Variants in NIBAN3 observed in about 807,000 individuals in gnomAD.
NIBAN3 encodes the protein protein Niban 3.
Under a neutral mutation model 76.4 loss-of-function variants are expected in NIBAN3, and 66 were observed. That is an observed-to-expected ratio of 0.86 (90% CI 0.71 to 1.06). NIBAN3 has a LOEUF of 1.06. Ranked by LOEUF, NIBAN3 falls within the 50% of genes least tolerant of loss-of-function variation. The probability of loss-of-function intolerance (pLI) is 0.00; values close to 1 mark genes in which losing one functional copy is unlikely to be tolerated. For synonymous variants in NIBAN3, 360 were observed against 355.2 expected (o/e 1.01, Z -0.15); for missense variants, 808 against 810.7 (o/e 1.00, Z 0.04).
Position 17,543,453 on chromosome 19 carries a change from G to T in NIBAN3, c.1446+20G>T, listed in dbSNP as rs772051831. 1.2e-6 allele frequency: 2 copies of T among 1,608,608 alleles called. No individual in the cohort carries two copies. Among genetic ancestry groups the T allele is most frequent in the Non-Finnish European group, 1.7e-6 (2 of 1,175,136 alleles). On this transcript the variant is annotated intron_variant, in intron 11 of 14. Transcript: ENST00000599164. ...CTGAAGGTGTGTTCTGTGGGTACGG[G>T]GTGGCATGGGGTGGCAGTGGGCCTG...
Position 17,550,843 on chromosome 19 carries a change from CTTTTTTTTTTT to C in NIBAN3, c.1751-930_1751-920del, listed in dbSNP as rs10690901. Among the ~76,000 whole-genome samples the C allele has an allele frequency of 4.4e-3, 405 of 91,570 alleles. 4 individuals are homozygous for C. The highest frequency in any genetic ancestry group is 0.015 in the African/African-American group (381 of 24,672). 60.1% of individuals were successfully genotyped at this position (91,570 alleles called of 152,430 possible). On this transcript the variant is annotated intron_variant, in intron 14 of 14. Coordinates refer to ENST00000599164, the MANE Select transcript of NIBAN3 (RefSeq NM_001321827.2). The stretch of plus-strand genomic sequence containing the variant: ...GCCACAGGGATTAATCTTGTACATA[CTTTTTTTTTTT>C]TTTTTTTTTTTTCAAATGCAGGTTC...
At chr19:17,527,654 C>A (rs185628842) in intron 1 of NIBAN3, among the ~76,000 whole-genome samples, 50 of 152,198 alleles carry the variant, frequency 3.3e-4, no homozygotes, top group Non-Finnish European at 5.4e-4. Flanking sequence ...TCAAGCAATT[C>A]TCCCGCCTTA....
chr19:17,549,426 G>A lies in NIBAN3; in HGVS notation c.1667-18G>A, dbSNP rs777986180. The A allele has an allele frequency of 6.3e-7, 1 of 1,593,678 alleles. No homozygotes were observed. Among genetic ancestry groups the A allele is most frequent in the African/African-American group, 1.3e-5 (1 of 74,496 alleles). On this transcript the variant is annotated intron_variant, in intron 13 of 14. Coordinates refer to ENST00000599164, the MANE Select transcript of NIBAN3 (RefSeq NM_001321827.2). ...CCTGGGCTTCCCCAGGTGTGTCCAA[G>A]AGTTCATCTCATTTCAGAATTGAAA...
chr19:17,542,300 G>A lies in NIBAN3; in HGVS notation c.1329+6G>A. On this transcript the variant is annotated splice_donor_region_variant and intron_variant, in intron 10 of 14. Transcript: ENST00000599164. The surrounding 1 kb of genome is among the most constrained non-coding windows in gnomAD (Gnocchi z 4.8). Reference sequence around the variant, plus strand: ...CCCAAGATCTTGCACAGCAGGTGAGGGTGAGAGGAGGCTGGGATGAGGCCA... The same window carrying A: ...CCCAAGATCTTGCACAGCAGGTGAGAGTGAGAGGAGGCTGGGATGAGGCCA... 1 of 1,598,398 alleles carries A rather than the reference G, an allele frequency of 6.3e-7. No individual in the cohort carries two copies.
At chr19:17,550,881 T>A (rs1430625146) in intron 14 of NIBAN3, among the ~76,000 whole-genome samples, 1 of 137,322 alleles carries the variant, frequency 7.3e-6, no homozygotes, top group Non-Finnish European at 1.5e-5. Context: ...TGCAGGTTCC[T>A]GTGGGCAAAT....
chr19:17,536,167 A>G (rs971285543), intron 4 of NIBAN3, among the ~76,000 whole-genome samples: 6 of 151,984 alleles, frequency 3.9e-5, no homozygotes, highest in Non-Finnish European at 8.8e-5. Context: ...CTTCTGGACT[A>G]TTGATTTCCT....
chr19:17,527,879 C>T (rs1240513021), intron 1 of NIBAN3, among the ~76,000 whole-genome samples: 5 of 151,552 alleles, frequency 3.3e-5, no homozygotes, highest in African/African-American at 4.8e-5. Flanking sequence ...GTTTTCGTAG[C>T]GACAGGGTCT....
upstream of NIBAN3, among the ~76,000 whole-genome samples, chr19:17,525,482 G>A (rs1400011533): frequency 1.3e-5 from 2 of 152,202 alleles, no homozygotes; most frequent in African/African-American, 4.8e-5. Flanking sequence ...CAAATGCTGG[G>A]ACATAAAGGT....
rs1404708952 is a variant in NIBAN3 at position 17,553,043 on chromosome 19, C to G, written c.*1145C>G. 3.3e-6 allele frequency: 1 copy of G among 299,154 alleles called. No individual in the cohort carries two copies. The highest frequency in any genetic ancestry group is 6.2e-6 in the Non-Finnish European group (1 of 161,096). 18.5% of individuals were successfully genotyped at this position (299,154 alleles called of 1,614,324 possible). On this transcript the variant is annotated 3_prime_UTR_variant, in exon 15 of 15. Coordinates refer to ENST00000599164, the MANE Select transcript of NIBAN3 (RefSeq NM_001321827.2). ...TGAGTGGTGATTGCACCACTGCACTCCAGCCTGGGTGATGGGAGTGAGACC... is the reference window on the plus strand; with the variant it reads ...TGAGTGGTGATTGCACCACTGCACTGCAGCCTGGGTGATGGGAGTGAGACC...
At chr19:17,543,460 T>C (rs776296067) in intron 11 of NIBAN3, 27 bp downstream of exon 11, 1 of 1,608,420 alleles carries the variant, frequency 6.2e-7, no homozygotes, top group Non-Finnish European at 8.5e-7. Flanking sequence ...CGGGGTGGCA[T>C]GGGGTGGCAG....
At chr19:17,551,135 C>T (rs906400325) in intron 14 of NIBAN3, among the ~76,000 whole-genome samples, 2 of 151,678 alleles carry the variant, frequency 1.3e-5, no homozygotes, top group Non-Finnish European at 2.9e-5. Flanking sequence ...GTCGCTCTGT[C>T]ACCAGGCTGG....
At position 17,537,375 on chromosome 19, in the gene NIBAN3, G is replaced by A; in HGVS notation, c.428-1G>A. The A allele has an allele frequency of 1.9e-6, 3 of 1,612,826 alleles. No homozygotes were observed. The highest frequency in any genetic ancestry group is 2.5e-6 in the Non-Finnish European group (3 of 1,179,350). The stretch of plus-strand genomic sequence containing the variant: ...AGATGCGACCTCCTGTTTGTTTTCA[G>A]GAGACCATACTCAGGAAGAGCCTGA... On this transcript the variant is annotated splice_acceptor_variant, in intron 4 of 14. Transcript: ENST00000599164. LOFTEE classifies it high-confidence loss of function.
In NIBAN3 at chr19:17,540,409, C is replaced by A; in HGVS notation, c.997C>A (p.Leu333Ile). The A allele has an allele frequency of 6.6e-7, 1 of 1,510,840 alleles. No individual in the cohort carries two copies. The highest frequency in any genetic ancestry group is 1.3e-5 in the South Asian group (1 of 78,206). The allele number at this position is 1,510,840 out of a possible 1,614,324, so 93.6% of individuals were successfully genotyped here. Residue 333 changes from leucine (L) to isoleucine (I), a missense_variant, in exon 9 of 15, where the codon CTC becomes ATC. Coordinates refer to ENST00000599164, the MANE Select transcript of NIBAN3 (RefSeq NM_001321827.2). ...ACTCCCAGCGGATATCAGGGGACCGCTCGAGTCGTGCCTGCGCCGGGAGGT... is the reference window on the plus strand; with the variant it reads ...ACTCCCAGCGGATATCAGGGGACCGATCGAGTCGTGCCTGCGCCGGGAGGT... Reference protein sequence around the residue: ...GRLRTDIRGPLESCLRREVDP... With the variant: ...GRLRTDIRGPIESCLRREVDP...
At position 17,539,735 on chromosome 19, in the gene NIBAN3, C is replaced by CA; in HGVS notation, c.950dup (p.Arg318AlafsTer93). 1 of 1,541,122 alleles carries CA rather than the reference C, an allele frequency of 6.5e-7. No homozygotes were observed. The highest frequency in any genetic ancestry group is 8.7e-7 in the Non-Finnish European group (1 of 1,145,124). On this transcript the variant is annotated frameshift_variant, in exon 8 of 15. Coordinates refer to ENST00000599164, the MANE Select transcript of NIBAN3 (RefSeq NM_001321827.2). LOFTEE classifies it high-confidence loss of function. ...CCCGGACGTGGACCAGCTGCTGCGG[C>CA]AGCGGGCGCGTGTGGCGGGGCGGCT...
chr19:17,533,959 A>T (rs554974229), intron 4 of NIBAN3, among the ~76,000 whole-genome samples: 1 of 152,282 alleles, frequency 6.6e-6, no homozygotes, highest in South Asian at 2.1e-4. Context: ...CAAACAAACA[A>T]ACAAACAAAC....
Position 17,539,462 on chromosome 19 carries a change from C to A in NIBAN3, c.816+11C>A, listed in dbSNP as rs1456133362. The A allele has an allele frequency of 1.4e-6, 2 of 1,463,172 alleles. No homozygotes were observed. The highest frequency in any genetic ancestry group is 2.6e-5 in the Admixed American group (1 of 38,168). 90.6% of individuals were successfully genotyped at this position (1,463,172 alleles called of 1,614,324 possible). A position where few individuals can be genotyped will look rare whatever the true frequency, so the allele number is the denominator to read the frequency against. ...TGGGCCTGGACCGAGGTATGCACGG[C>A]GTCCGGATCCGGGATAGGGGGCGGG... On this transcript the variant is annotated intron_variant, in intron 7 of 14. Transcript: ENST00000599164.
rs1388496737 is a variant in NIBAN3, at chr19:17,539,459, C to T, written c.816+8C>T. 2.7e-6 allele frequency: 4 copies of T among 1,465,704 alleles called. No individual in the cohort carries two copies. Among genetic ancestry groups the T allele is most frequent in the East Asian group, 2.5e-5 (1 of 39,598 alleles). 90.8% of individuals were successfully genotyped at this position (1,465,704 alleles called of 1,614,324 possible). On this transcript the variant is annotated splice_region_variant and intron_variant, in intron 7 of 14. Transcript: ENST00000599164. ...GCCTGGGCCTGGACCGAGGTATGCA[C>T]GGCGTCCGGATCCGGGATAGGGGGC...
At chr19:17,527,900 C>G (rs942452854) in intron 1 of NIBAN3, among the ~76,000 whole-genome samples, 1 of 151,660 alleles carries the variant, frequency 6.6e-6, no homozygotes, top group African/African-American at 2.4e-5. Context: ...CACTATGTTG[C>G]CCAGGCTGGT....
intron 10 of NIBAN3, 50 bp from the exon 11 acceptor site, chr19:17,543,267 G>A (rs775423040): frequency 3.0e-6 from 4 of 1,323,742 alleles, no homozygotes; most frequent in Non-Finnish European, 3.1e-6. Context: ...AGTGGGGCCC[G>A]GGAGGCTGGA....
Sources: gnomAD v4.1 joint callset for allele counts (sites outside exome capture counted in the v4.1 genomes callset) on GRCh38, gnomAD v4.1.1 for gene constraint, Gnocchi (gnomAD v3.1) non-coding constraint, MANE v1.5 for transcripts, NCBI Gene and HGNC (gene_info 2026-07-23, HGNC 2026-07-21) for gene names.